The following GALNT18 variants were observed in gnomAD, a reference collection of about 807,000 sequenced individuals.
The protein encoded by GALNT18 is GalNAc-transferase 18.
Under a neutral mutation model 69.5 loss-of-function variants are expected in GALNT18, and 44 were observed. That is an observed-to-expected ratio of 0.63 (90% CI 0.50 to 0.81). The LOEUF is 0.81. Ranked by LOEUF, GALNT18 falls within the 40% of genes least tolerant of loss-of-function variation. The pLI is 0.00. For synonymous variants in GALNT18, 364 were observed against 318.2 expected (o/e 1.14, Z -1.53); for missense variants, 715 against 810.0 (o/e 0.88, Z 1.42).
In GALNT18 at chr11:11,592,041, A is replaced by G. The variant is rs1008064159; in HGVS notation, c.235+29318T>C. On this transcript the variant is annotated intron_variant, in intron 1 of 10. Transcript: ENST00000227756. This position sits in a 1 kb window ranked among gnomAD's most constrained non-coding sequence, Gnocchi z 5.9. ...AGCATATCTCAGTTTGTTGCTGTGA[A>G]GATAAAGTGAGATAATTTGTGCATA... 2.6e-5 allele frequency among the ~76,000 whole-genome samples: 4 copies of G among 152,220 alleles called. No individual in the cohort carries two copies. The highest frequency in any genetic ancestry group is 4.8e-5 in the African/African-American group (2 of 41,464).
Position 11,606,648 on chromosome 11 carries a change from G to C in GALNT18, c.235+14711C>G, listed in dbSNP as rs1040845136. Reference sequence around the variant, plus strand: ...CCAGGGAGAGGAGATCCCATCCAAGGGAGACCCTGAAAAGCTGCCCACCTC... The same window carrying C: ...CCAGGGAGAGGAGATCCCATCCAAGCGAGACCCTGAAAAGCTGCCCACCTC... On this transcript the variant is annotated intron_variant, in intron 1 of 10. Transcript: ENST00000227756. The surrounding 1 kb of genome is among the most constrained non-coding windows in gnomAD (Gnocchi z 5.4). Among the ~76,000 whole-genome samples, 1 of 152,104 alleles carries C rather than the reference G, an allele frequency of 6.6e-6. No homozygotes were observed. Among genetic ancestry groups the C allele is most frequent in the Non-Finnish European group, 1.5e-5 (1 of 68,022 alleles).
rs1857059864 is a variant in GALNT18, at chr11:11,505,857, A to C, written c.236-56921T>G. Among the ~76,000 whole-genome samples the C allele has an allele frequency of 6.6e-6, 1 of 152,126 alleles. No homozygotes were observed. Among genetic ancestry groups the C allele is most frequent in the African/African-American group, 2.4e-5 (1 of 41,412 alleles). On this transcript the variant is annotated intron_variant, in intron 1 of 10. Coordinates refer to ENST00000227756, the MANE Select transcript of GALNT18 (RefSeq NM_198516.3). The surrounding 1 kb of genome is among the most constrained non-coding windows in gnomAD (Gnocchi z 4.6). ...CAGTAAATCCTCTAGCCCAGGCCTT[A>C]CTGATCTAATCTCCGAGTCAGAGAA... is the stretch of plus-strand genomic sequence containing the variant.
At chr11:11,462,743 T>C (rs940341365) in intron 1 of GALNT18, among the ~76,000 whole-genome samples, 1 of 152,126 alleles carries the variant, frequency 6.6e-6, no homozygotes, top group African/African-American at 2.4e-5. Context: ...AGAAGCAGAA[T>C]GTTCAATGGA....
chr11:11,342,824 C>T (rs1850233396), intron 6 of GALNT18, among the ~76,000 whole-genome samples: 1 of 152,220 alleles, frequency 6.6e-6, no homozygotes, highest in Admixed American at 6.5e-5. Flanking sequence ...CTTGATCTCA[C>T]TGTGCTTCTG....
intron 1 of GALNT18, among the ~76,000 whole-genome samples, chr11:11,554,286 T>C (rs1858275480): frequency 6.6e-6 from 1 of 152,154 alleles, no homozygotes; most frequent in African/African-American, 2.4e-5. Context: ...CCTGGCCTTC[T>C]TTTCCAGGAG....
Position 11,541,928 on chromosome 11 carries a change from G to C in GALNT18, c.235+79431C>G, listed in dbSNP as rs1339274332. Among the ~76,000 whole-genome samples the C allele has an allele frequency of 6.6e-6, 1 of 152,046 alleles. No homozygotes were observed. Among genetic ancestry groups the C allele is most frequent in the Non-Finnish European group, 1.5e-5 (1 of 68,012 alleles). ...TCGCTGGCCACAACCTCCTGCAGGAGAATCACAGGCAAGGCAACTATAGAC... is the reference window on the plus strand; with the variant it reads ...TCGCTGGCCACAACCTCCTGCAGGACAATCACAGGCAAGGCAACTATAGAC... On this transcript the variant is annotated intron_variant, in intron 1 of 10. Coordinates refer to ENST00000227756, the MANE Select transcript of GALNT18 (RefSeq NM_198516.3). This position sits in a 1 kb window ranked among gnomAD's most constrained non-coding sequence, Gnocchi z 4.8.
At chr11:11,524,974 G>T (rs1857486365) in intron 1 of GALNT18, among the ~76,000 whole-genome samples, 1 of 152,152 alleles carries the variant, frequency 6.6e-6, no homozygotes, top group Non-Finnish European at 1.5e-5. Flanking sequence ...TTTCCAGGAG[G>T]CTCCCAGAGG....
At chr11:11,420,384 G>A (rs1854977336) in intron 3 of GALNT18, among the ~76,000 whole-genome samples, 1 of 152,166 alleles carries the variant, frequency 6.6e-6, no homozygotes, top group Non-Finnish European at 1.5e-5. Flanking sequence ...AGCAGCTGGG[G>A]TGGCTACAGC....
chr11:11,343,605 G>C (rs1230521586), intron 6 of GALNT18, among the ~76,000 whole-genome samples: 2 of 152,164 alleles, frequency 1.3e-5, no homozygotes, highest in East Asian at 3.9e-4. Flanking sequence ...TCTGGGGACA[G>C]TCCTGATTTC....
chr11:11,412,920 C>T (rs796743455), intron 3 of GALNT18, among the ~76,000 whole-genome samples: 4 of 152,308 alleles, frequency 2.6e-5, no homozygotes, highest in African/African-American at 9.6e-5. Flanking sequence ...AAGCAACTCT[C>T]AACCAATGAT....
At position 11,618,267 on chromosome 11, in the gene GALNT18, C is replaced by T. The variant is rs1860104314; in HGVS notation, c.235+3092G>A. Among the ~76,000 whole-genome samples the T allele has an allele frequency of 6.6e-6, 1 of 152,194 alleles. No individual in the cohort carries two copies. On this transcript the variant is annotated intron_variant, in intron 1 of 10. Coordinates refer to ENST00000227756, the MANE Select transcript of GALNT18 (RefSeq NM_198516.3). The surrounding 1 kb of genome is among the most constrained non-coding windows in gnomAD (Gnocchi z 6.1). ...CTGGACAAGACTCCAAAGCAAAACA[C>T]CTTTTTTGGAGAGTGGTAACACTTT...
intron 1 of GALNT18, among the ~76,000 whole-genome samples, chr11:11,466,037 T>G (rs1031520593): frequency 5.3e-5 from 8 of 152,178 alleles, no homozygotes; most frequent in African/African-American, 1.9e-4. Flanking sequence ...TACAAAACTG[T>G]ATTTTTTGCA....
chr11:11,491,963 T>C (rs140455343), intron 1 of GALNT18, among the ~76,000 whole-genome samples: 107 of 152,292 alleles, frequency 7.0e-4, no homozygotes, highest in African/African-American at 2.5e-3. Context: ...TCATCTCTCA[T>C]AGAAAGGAAG....
chr11:11,555,246 C>A lies in GALNT18; in HGVS notation c.235+66113G>T, dbSNP rs1047811770. On this transcript the variant is annotated intron_variant, in intron 1 of 10. Coordinates refer to ENST00000227756, the MANE Select transcript of GALNT18 (RefSeq NM_198516.3). The surrounding 1 kb of genome is among the most constrained non-coding windows in gnomAD (Gnocchi z 4.7). ...TCATGCCAGCCAAGCTGCCAAGGAC[C>A]CAGCCCCTCTCTGACAGCCAACAGG... Among the ~76,000 whole-genome samples, 3 of 152,180 alleles carry A rather than the reference C, an allele frequency of 2.0e-5. No homozygotes were observed. The highest frequency in any genetic ancestry group is 7.2e-5 in the African/African-American group (3 of 41,450).
In GALNT18 at chr11:11,555,491, A is replaced by C. The variant is rs1210509733; in HGVS notation, c.235+65868T>G. Among the ~76,000 whole-genome samples the C allele has an allele frequency of 6.6e-6, 1 of 152,168 alleles. No individual in the cohort carries two copies. The highest frequency in any genetic ancestry group is 1.5e-5 in the Non-Finnish European group (1 of 68,032). The stretch of plus-strand genomic sequence containing the variant: ...GTCTGGCGTGAGTCTCCTGTGACAA[A>C]GCTCTCCTGGGCCCTGGCTACTGAC... On this transcript the variant is annotated intron_variant, in intron 1 of 10. Coordinates refer to ENST00000227756, the MANE Select transcript of GALNT18 (RefSeq NM_198516.3). The surrounding 1 kb of genome is among the most constrained non-coding windows in gnomAD (Gnocchi z 4.7).
chr11:11,344,802 G>A (rs1299873507), intron 6 of GALNT18, among the ~76,000 whole-genome samples: 1 of 152,170 alleles, frequency 6.6e-6, no homozygotes, highest in Non-Finnish European at 1.5e-5. Flanking sequence ...TGAACATGGG[G>A]ACAGGCCATC....
intron 4 of GALNT18, among the ~76,000 whole-genome samples, chr11:11,378,206 T>G: frequency 6.6e-6 from 1 of 152,234 alleles, no homozygotes; most frequent in East Asian, 1.9e-4. Context: ...CAGGCCAGGC[T>G]GTGTGCACGC....
chr11:11,322,034 T>A (rs1011808286), intron 9 of GALNT18, among the ~76,000 whole-genome samples: 1 of 152,222 alleles, frequency 6.6e-6, no homozygotes, highest in Non-Finnish European at 1.5e-5. Flanking sequence ...AGGGTTAAAG[T>A]GGAGTAATAA....
intron 9 of GALNT18, among the ~76,000 whole-genome samples, chr11:11,307,934 G>A (rs1723285945): frequency 6.6e-6 from 1 of 152,222 alleles, no homozygotes; most frequent in South Asian, 2.1e-4. Context: ...TTTTGGAAGT[G>A]GGCGCTTTGT....
Sources: allele counts gnomAD v4.1 joint callset (sites outside exome capture counted in the v4.1 genomes callset), GRCh38; gene constraint gnomAD v4.1.1; non-coding constraint Gnocchi (gnomAD v3.1); transcripts MANE v1.5; gene names NCBI Gene and HGNC (gene_info 2026-07-23, HGNC 2026-07-21).